Variants in GPD2 observed in about 807,000 individuals in gnomAD.
GPD2 encodes the protein glycerol-3-phosphate dehydrogenase 2, also known as glycerol-3-phosphate dehydrogenase, mitochondrial.
A neutral mutation model predicts 82.4 loss-of-function variants in GPD2; 54 were observed. That is an observed-to-expected ratio of 0.66 (90% CI 0.53 to 0.82). The LOEUF (loss-of-function observed/expected upper bound fraction) is 0.82, where lower values mean the gene tolerates loss of function less well. Among genes scored for constraint, GPD2 ranks in the 40% least tolerant of loss-of-function variants. The pLI, the probability that GPD2 is intolerant of heterozygous loss-of-function variation, is 0.00. For missense variants in GPD2, 748 were observed against 896.2 expected, an observed-to-expected ratio of 0.83 and a Z score of 2.11; for synonymous variants, 288 against 306.1, an observed-to-expected ratio of 0.94 and a Z score of 0.62.
chr2:156,551,690 C>T (rs772405260), intron 8 of GPD2, among the ~76,000 whole-genome samples: 6 of 152,086 alleles, frequency 3.9e-5, no homozygotes, highest in Non-Finnish European at 7.4e-5. Context: ...CACACAAGGG[C>T]ATATTATATA....
At chr2:156,580,615 G>A (rs964833999) in intron 16 of GPD2, among the ~76,000 whole-genome samples, 5 of 152,168 alleles carry the variant, frequency 3.3e-5, no homozygotes, top group African/African-American at 1.2e-4. Context: ...AATGATGAAT[G>A]CTGAACATGA....
chr2:156,492,444 CT>C lies in GPD2; in HGVS notation c.103-3585del, dbSNP rs79707384. 1.8e-3 allele frequency among the ~76,000 whole-genome samples: 233 copies of C among 131,822 alleles called. 2 individuals carry two copies. Among genetic ancestry groups the C allele is most frequent in the East Asian group, 0.011 (49 of 4,504 alleles). The allele number at this position is 131,822 out of a possible 152,430, so 86.5% of individuals were successfully genotyped here. On this transcript the variant is annotated intron_variant, in intron 2 of 16. Coordinates refer to ENST00000438166, the MANE Select transcript of GPD2 (RefSeq NM_000408.5). ...CTGGGAGTGAGCCACTGCACCTGGC[CT>C]TTTTTTTTTTTTTTCTTTTTTTTAA...
At chr2:156,559,485 T>A (rs531145892) in intron 9 of GPD2, among the ~76,000 whole-genome samples, 1 of 152,338 alleles carries the variant, frequency 6.6e-6, no homozygotes, top group African/African-American at 2.4e-5. Context: ...TATGTTAGTC[T>A]GAATGCAACT....
At chr2:156,572,037 A>G (rs768577418) in intron 13 of GPD2, among the ~76,000 whole-genome samples, 33 of 152,238 alleles carry the variant, frequency 2.2e-4, no homozygotes, top group Non-Finnish European at 4.0e-4. Flanking sequence ...TAAATTTGTT[A>G]ACTTGCAGTC....
At chr2:156,421,230 G>A in the GPD2 span, among the ~76,000 whole-genome samples, 4 of 152,130 alleles carry the variant, frequency 2.6e-5, no homozygotes, top group South Asian at 2.1e-4. Context: ...ATTAGCTGAG[G>A]TGCTCATTAG....
intron 5 of GPD2, among the ~76,000 whole-genome samples, chr2:156,512,687 C>T (rs1231572691): frequency 6.6e-6 from 1 of 152,154 alleles, no homozygotes; most frequent in East Asian, 1.9e-4. Context: ...TGTAAACATA[C>T]CACATACCAC....
intron 1 of GPD2, among the ~76,000 whole-genome samples, chr2:156,452,013 G>A (rs1195509008): frequency 6.6e-6 from 1 of 151,844 alleles, no homozygotes; most frequent in Non-Finnish European, 1.5e-5. Flanking sequence ...GGGCAGAGAT[G>A]CTTCTCTCTT....
At chr2:156,567,031 T>C (rs1687417938) in intron 9 of GPD2, among the ~76,000 whole-genome samples, 1 of 152,122 alleles carries the variant, frequency 6.6e-6, no homozygotes, top group Non-Finnish European at 1.5e-5. Context: ...GAAATATTTA[T>C]TGAAGTCTTT....
chr2:156,553,503 A>G (rs1686845064), intron 8 of GPD2, among the ~76,000 whole-genome samples: 1 of 152,230 alleles, frequency 6.6e-6, no homozygotes, highest in South Asian at 2.1e-4. Flanking sequence ...ACAAAAATAA[A>G]TAAATAATGT....
the GPD2 span, among the ~76,000 whole-genome samples, chr2:156,410,671 A>G: frequency 1.3e-5 from 2 of 152,186 alleles, no homozygotes. Flanking sequence ...ACTTTGGTTG[A>G]ACCATTAACA....
At chr2:156,415,540 C>T in the GPD2 span, among the ~76,000 whole-genome samples, 1 of 152,116 alleles carries the variant, frequency 6.6e-6, no homozygotes, top group Admixed American at 6.5e-5. Flanking sequence ...GTTTTCCATT[C>T]CTGAGTTACT....
At chr2:156,578,493 A>G (rs1195466101) in intron 13 of GPD2, among the ~76,000 whole-genome samples, 1 of 152,240 alleles carries the variant, frequency 6.6e-6, no homozygotes, top group African/African-American at 2.4e-5. Flanking sequence ...AGCAACATAA[A>G]TGAATCTCAG....
At chr2:156,437,927 C>T (rs1401951605) in intron 1 of GPD2, among the ~76,000 whole-genome samples, 1 of 152,138 alleles carries the variant, frequency 6.6e-6, no homozygotes, top group Non-Finnish European at 1.5e-5. Flanking sequence ...GTGCATAACT[C>T]ATGTTGGCAA....
intron 1 of GPD2, among the ~76,000 whole-genome samples, chr2:156,467,738 G>C (rs192464801): frequency 5.1e-4 from 78 of 152,336 alleles, no homozygotes; most frequent in Non-Finnish European, 7.5e-4. Context: ...AACAACAAAA[G>C]AGGAGAATTC....
At chr2:156,408,766 G>GA in the GPD2 span, among the ~76,000 whole-genome samples, 1 of 151,440 alleles carries the variant, frequency 6.6e-6, no homozygotes, top group East Asian at 1.9e-4. Flanking sequence ...AGCTCCTGAA[G>GA]GATCTTGGCT....
At chr2:156,523,658 A>T (rs1430673005) in intron 6 of GPD2, among the ~76,000 whole-genome samples, 1 of 149,004 alleles carries the variant, frequency 6.7e-6, no homozygotes, top group Non-Finnish European at 1.5e-5. Flanking sequence ...TTGTTCAACA[A>T]TAATTTCTTT....
chr2:156,489,781 C>A (rs1288793704), intron 2 of GPD2, among the ~76,000 whole-genome samples: 1 of 31,558 alleles, frequency 3.2e-5, no homozygotes, highest in African/African-American at 1.5e-4. Flanking sequence ...TCCCTCCTCT[C>A]CCCTCCGCTC....
chr2:156,554,072 T>C (rs933623210), intron 8 of GPD2, among the ~76,000 whole-genome samples: 3 of 152,206 alleles, frequency 2.0e-5, no homozygotes, highest in Non-Finnish European at 2.9e-5. Flanking sequence ...GCCCCTTCTC[T>C]TTGGATTGTG....
At chr2:156,429,965 C>T in the GPD2 span, among the ~76,000 whole-genome samples, 2 of 152,152 alleles carry the variant, frequency 1.3e-5, no homozygotes, top group African/African-American at 4.8e-5. Context: ...AAGTAGTAAA[C>T]TTGTAGTCTT....
Sources: allele counts gnomAD v4.1 joint callset (sites outside exome capture counted in the v4.1 genomes callset), GRCh38; gene constraint gnomAD v4.1.1; transcripts MANE v1.5; gene names NCBI Gene and HGNC (gene_info 2026-07-23, HGNC 2026-07-21).